SCAMP3: variants seen among roughly 807,000 people sequenced by gnomAD.
The protein encoded by SCAMP3 is secretory carrier membrane protein 3.
In SCAMP3, 30 loss-of-function variants were observed where a neutral mutation model predicts 44.1. The observed-to-expected ratio is 0.68, with a 90% CI of 0.51 to 0.92. The LOEUF (loss-of-function observed/expected upper bound fraction) is 0.92, where lower values mean the gene tolerates loss of function less well. Ranked by LOEUF, SCAMP3 falls within the 40% of genes least tolerant of loss-of-function variation. SCAMP3 has a pLI of 0.00. For missense variants in SCAMP3, 394 were observed against 440.0 expected (o/e 0.90, Z 0.93); for synonymous variants, 168 against 171.1 (o/e 0.98, Z 0.14).
chr1:155,260,650 C>CTGGT lies in SCAMP3; in HGVS notation c.150_153dup (p.Ala52ThrfsTer4). On this transcript the variant is annotated frameshift_variant, in exon 3 of 9. Transcript: ENST00000302631. LOFTEE classifies it high-confidence loss of function. ...GGGGCAGGGGCTGGAGGCTCATAGG[C>CTGGT]TGGTGGTGGCTGTTGAGGAAAAGAC... 1 of 1,608,612 alleles carries CTGGT rather than the reference C, an allele frequency of 6.2e-7. No homozygotes were observed. The highest frequency in any genetic ancestry group is 1.1e-5 in the South Asian group (1 of 90,308).
In SCAMP3 at chr1:155,257,335, C is replaced by G. The variant is rs1173219261; in HGVS notation, c.729G>C (p.Gln243His). 2 of 1,613,956 alleles carry G rather than the reference C, an allele frequency of 1.2e-6. No individual in the cohort carries two copies. The highest frequency in any genetic ancestry group is 1.7e-5 in the Admixed American group (1 of 59,988). ...TGGCCTGGAGGACAAAGAGCACATC[C>G]TGGACGAAGAAAATGAAGAAGAAAA... ...FFVFFFIFFV[Q>H]DVLFVLQAIG... Residue 243 changes from glutamine (Q) to histidine (H), a missense_variant, in exon 7 of 9, where the codon CAG becomes CAC. Transcript: ENST00000302631.
chr1:155,261,074 T>G (rs1031514974), intron 2 of SCAMP3, among the ~76,000 whole-genome samples: 1 of 152,040 alleles, frequency 6.6e-6, no homozygotes, highest in Non-Finnish European at 1.5e-5. Context: ...ACTACAGGCA[T>G]GTGCCACTAC....
intron 7 of SCAMP3, 62 bp downstream of exon 7, chr1:155,257,223 C>A: frequency 8.9e-7 from 1 of 1,127,964 alleles, no homozygotes. Flanking sequence ...AACTCCTATC[C>A]CAGCACCCAG....
rs757989231 is a variant in SCAMP3 at position 155,260,317 on chromosome 1, C to T, written c.388+13G>A. On this transcript the variant is annotated intron_variant, in intron 4 of 8. Coordinates refer to ENST00000302631, the MANE Select transcript of SCAMP3 (RefSeq NM_005698.4). ...CCAAACTCTCAGATGCTCTTCCCCA[C>T]TCTATTACTTACTAGCTGTGCCCCC... 2 of 1,609,238 alleles carry T rather than the reference C, an allele frequency of 1.2e-6. No individual in the cohort carries two copies. Among genetic ancestry groups the T allele is most frequent in the South Asian group, 2.2e-5 (2 of 91,082 alleles).
rs779274852 is a variant in SCAMP3 at position 155,261,671 on chromosome 1, A to C, written c.130T>G (p.Phe44Val). The change falls in exon 2 of 9, where the codon TTT (phenylalanine) becomes GTT (valine). Residue 44 changes from phenylalanine (F) to valine (V), a missense_variant. By Grantham distance (50) the Phe-to-Val change is conservative (BLOSUM62 -1). Transcript: ENST00000302631. ...QYATLDVYNPFETREPPPAYE... is the reference protein window; with the variant it reads ...QYATLDVYNPVETREPPPAYE... ...CAGTAGCTCACCTCCCGGGTCTCAAAAGGGTTGTAGACGTCAAGCGTGGCA... is the reference window on the plus strand; with the variant it reads ...CAGTAGCTCACCTCCCGGGTCTCAACAGGGTTGTAGACGTCAAGCGTGGCA... 1 of 1,613,860 alleles carries C rather than the reference A, an allele frequency of 6.2e-7. No individual in the cohort carries two copies. Among genetic ancestry groups the C allele is most frequent in the African/African-American group, 1.3e-5 (1 of 74,872 alleles).
chr1:155,262,288 C>G lies in SCAMP3; in HGVS notation c.-137G>C. On this transcript the variant is annotated 5_prime_UTR_variant, in exon 1 of 9. Coordinates refer to ENST00000302631, the MANE Select transcript of SCAMP3 (RefSeq NM_005698.4). ...CTGTGCACGGATTGGTTCCACCGACCGGAAGGGCCACAAGGATCCCCGCAG... is the reference window on the plus strand; with the variant it reads ...CTGTGCACGGATTGGTTCCACCGACGGGAAGGGCCACAAGGATCCCCGCAG... The G allele has an allele frequency of 1.3e-6, 1 of 751,310 alleles. No individual in the cohort carries two copies. The highest frequency in any genetic ancestry group is 2.1e-6 in the Non-Finnish European group (1 of 473,590). 46.5% of individuals were successfully genotyped at this position (751,310 alleles called of 1,614,324 possible).
chr1:155,260,579 G>C lies in SCAMP3; in HGVS notation c.225C>G (p.Leu75=). The C allele has an allele frequency of 1.2e-6, 2 of 1,614,184 alleles. No homozygotes were observed. Among genetic ancestry groups the C allele is most frequent in the Non-Finnish European group, 1.7e-6 (2 of 1,180,036 alleles). The part of the protein sequence containing the change: ...SAPSLQPSRK[L]SPTEPKNYGS... The stretch of plus-strand genomic sequence containing the variant: ...CATAGTTCTTAGGTTCTGTGGGGCT[G>C]AGCTTTCTCGAGGGCTGCAAGGAGG... The change falls in exon 3 of 9, where the codon CTC becomes CTG. Residue 75 remains leucine (L), a synonymous_variant. Coordinates refer to ENST00000302631, the MANE Select transcript of SCAMP3 (RefSeq NM_005698.4).
At position 155,257,559 on chromosome 1, in the gene SCAMP3, C is replaced by A. The variant is rs1672838600; in HGVS notation, c.616G>T (p.Val206Phe). Residue 206 changes from valine to phenylalanine, a missense_variant, in exon 6 of 9, where the codon GTC becomes TTC. Val to Phe is a conservative substitution (Grantham distance 50, BLOSUM62 -1). Coordinates refer to ENST00000302631, the MANE Select transcript of SCAMP3 (RefSeq NM_005698.4). ...GAGFGLSILW[V>F]LLFTPCSFVC... ...AAGGAGCAGGGAGTGAAAAGGAGGA[C>A]CCAGAGGATAGAAAGCCCAAAGCCT... is the stretch of plus-strand genomic sequence containing the variant. The A allele has an allele frequency of 6.2e-7, 1 of 1,609,724 alleles. No homozygotes were observed. The highest frequency in any genetic ancestry group is 8.5e-7 in the Non-Finnish European group (1 of 1,177,746).
rs1175529684 is a variant in SCAMP3, at chr1:155,261,664, G to T, written c.137C>A (p.Thr46Asn). ...TGCTCTCCAGTAGCTCACCTCCCGGGTCTCAAAAGGGTTGTAGACGTCAAG... is the reference window on the plus strand; with the variant it reads ...TGCTCTCCAGTAGCTCACCTCCCGGTTCTCAAAAGGGTTGTAGACGTCAAG... ...ATLDVYNPFETREPPPAYEPP... is the reference protein window; with the variant it reads ...ATLDVYNPFENREPPPAYEPP... The change falls in exon 2 of 9, where the codon ACC becomes AAC. Residue 46 changes from threonine to asparagine, a missense_variant. Thr to Asn is a moderately conservative substitution (Grantham distance 65, BLOSUM62 0). Transcript: ENST00000302631. 2 of 1,613,846 alleles carry T rather than the reference G, an allele frequency of 1.2e-6. No homozygotes were observed. Among genetic ancestry groups the T allele is most frequent in the East Asian group, 4.5e-5 (2 of 44,896 alleles).
At chr1:155,262,042 GAATC>G (rs1557927808) in intron 1 of SCAMP3, 40 bp downstream of exon 1, 1 of 1,583,918 alleles carries the variant, frequency 6.3e-7, no homozygotes, top group Non-Finnish European at 8.7e-7. Context: ...GAACCGGGAA[GAATC>G]AACCTGACCG....
At chr1:155,256,573 C>A in intron 8 of SCAMP3, 101 bp downstream of exon 8, 1 of 1,366,248 alleles carries the variant, frequency 7.3e-7, no homozygotes, top group South Asian at 1.2e-5. Context: ...TGAGAACAAC[C>A]CAGCAGCCTG....
chr1:155,260,898 C>T (rs1224842095), intron 2 of SCAMP3, among the ~76,000 whole-genome samples: 2 of 149,674 alleles, frequency 1.3e-5, no homozygotes, highest in Non-Finnish European at 3.0e-5. Context: ...TTTACCATAT[C>T]TCCCCACTTA....
In SCAMP3 at chr1:155,261,719, G is replaced by A. The variant is rs139510862; in HGVS notation, c.82C>T (p.Gln28Ter). The A allele has an allele frequency of 6.8e-5, 109 of 1,614,030 alleles. No homozygotes were observed. The Middle Eastern group carries it at 1.5e-3, about 22-fold the overall frequency. Residue 28 changes from glutamine to a stop codon, truncating the protein, a stop_gained, in exon 2 of 9, where the codon CAG becomes TAG. Coordinates refer to ENST00000302631, the MANE Select transcript of SCAMP3 (RefSeq NM_005698.4). LOFTEE classifies it high-confidence loss of function. ...DNPFQDPAVI[Q>*]HRPSRQYATL... is the part of the protein sequence containing the mutation. The stretch of plus-strand genomic sequence containing the variant: ...GCATACTGCCGGCTGGGTCGGTGCT[G>A]GATCACAGCTGGGTCCTGAGGGCAG...
rs367772504 is a variant in SCAMP3 at position 155,256,395 on chromosome 1, C to T, written c.922G>A (p.Gly308Ser). The T allele has an allele frequency of 1.1e-5, 17 of 1,603,714 alleles. No homozygotes were observed. In the Admixed American group the frequency reaches 1.2e-4, roughly 11 times the overall value. ...KRIHSLYRRT[G>S]ASFQKAQQEF... is the part of the protein sequence containing the mutation. ...TGCTGGGCCTTCTGAAAGCTGGCAC[C>T]TGTGCGGCGGTATAAGGAGTGGATC... The change falls in exon 9 of 9, where the codon GGT becomes AGT. Residue 308 changes from glycine (G) to serine (S), a missense_variant. Gly to Ser is a moderately conservative substitution (Grantham distance 56). Coordinates refer to ENST00000302631, the MANE Select transcript of SCAMP3 (RefSeq NM_005698.4).
chr1:155,261,952 G>A, intron 1 of SCAMP3, 134 bp downstream of exon 1: 2 of 924,712 alleles, frequency 2.2e-6, no homozygotes, highest in Non-Finnish European at 3.4e-6. Flanking sequence ...TCACTGGTCT[G>A]GAGTCACTGT....
intron 1 of SCAMP3, 89 bp downstream of exon 1, chr1:155,261,997 T>G: frequency 7.5e-7 from 1 of 1,332,742 alleles, no homozygotes; most frequent in South Asian, 1.2e-5. Context: ...GGATCAAATG[T>G]CACAAATGGG....
rs750746649 is a variant in SCAMP3 at position 155,257,397 on chromosome 1, G to GA, written c.678-12dup. 2 of 1,609,826 alleles carry GA rather than the reference G, an allele frequency of 1.2e-6. No homozygotes were observed. The highest frequency in any genetic ancestry group is 1.7e-5 in the Admixed American group (1 of 59,164). ...AATGAACTGTCACTCCTACAAAGAG[G>GA]AAAAAAATGGGGAGGGTGGGAGAAG... On this transcript the variant is annotated splice_polypyrimidine_tract_variant and intron_variant, in intron 6 of 8. Transcript: ENST00000302631.
At chr1:155,257,104 A>T (rs1672821659) in intron 7 of SCAMP3, among the ~76,000 whole-genome samples, 181 bp downstream of exon 7, 1 of 152,150 alleles carries the variant, frequency 6.6e-6, no homozygotes, top group South Asian at 2.1e-4. Context: ...TCTTCCCTTC[A>T]ATCTATATGT....
Position 155,256,243 on chromosome 1 carries a change from G to A in SCAMP3, c.*30C>T. 1 of 1,525,584 alleles carries A rather than the reference G, an allele frequency of 6.6e-7. No homozygotes were observed. Among genetic ancestry groups the A allele is most frequent in the Non-Finnish European group, 8.8e-7 (1 of 1,134,718 alleles). The allele number at this position is 1,525,584 out of a possible 1,614,324, so 94.5% of individuals were successfully genotyped here. A position where few individuals can be genotyped will look rare whatever the true frequency, so the allele number is the denominator to read the frequency against. On this transcript the variant is annotated 3_prime_UTR_variant, in exon 9 of 9. Transcript: ENST00000302631. ...ACGGGAGCTAAGTCAGCTCCCTCAA[G>A]TAGCAGGGCCAGGGCATCCCAGTCA...
Sources: allele counts gnomAD v4.1 joint callset (sites outside exome capture counted in the v4.1 genomes callset), GRCh38; gene constraint gnomAD v4.1.1; transcripts MANE v1.5; gene names NCBI Gene and HGNC (gene_info 2026-07-23, HGNC 2026-07-21).